The following PERM1 variants were observed in gnomAD, a reference collection of about 807,000 sequenced individuals.
PERM1 encodes the protein PGC-1 and ERR-induced regulator in muscle protein 1.
PERM1 carries 45 observed loss-of-function variants against 44.1 expected under a neutral mutation model. That is an observed-to-expected ratio of 1.02 (90% CI 0.80 to 1.31). PERM1 has a LOEUF of 1.31. Ranked by LOEUF, PERM1 falls within the 50% of genes most tolerant of loss-of-function variation. The pLI is 0.00. For missense variants in PERM1, 1,189 were observed against 1,106.9 expected (o/e 1.07, Z -1.05); for synonymous variants, 565 against 477.1 (o/e 1.18, Z -2.40).
chr1:978,409 G>A (rs1007995359), intron 1 of PERM1, among the ~76,000 whole-genome samples: 2 of 152,182 alleles, frequency 1.3e-5, no homozygotes, highest in African/African-American at 4.8e-5. Context: ...CGCCCTGGAC[G>A]CGTCTGTCGG....
chr1:980,652 T>G (rs1345680987), exon 1 of PERM1: 1 of 1,436,756 alleles, frequency 7.0e-7, no homozygotes, highest in South Asian at 1.5e-5. Context: ...CAGGGCAGGA[T>G]GAGAACTGGC....
At chr1:978,946 G>T in exon 1 of PERM1, 1 of 1,506,810 alleles carries the variant, frequency 6.6e-7, no homozygotes, top group Non-Finnish European at 8.9e-7. Context: ...CCCAGGCCCC[G>T]CCCCCTCGGA....
chr1:981,230 G>A, upstream of PERM1: 2 of 1,502,804 alleles, frequency 1.3e-6, no homozygotes, highest in East Asian at 2.5e-5. Context: ...CAAACCTAGT[G>A]GTGACGATTT....
At chr1:976,430 C>A in intron 2 of PERM1, 69 bp downstream of exon 3, 3 of 1,547,452 alleles carry the variant, frequency 1.9e-6, no homozygotes, top group Non-Finnish European at 2.6e-6. Context: ...CCCCGTGCAC[C>A]CCTCGTCCTG....
Position 980,152 on chromosome 1 carries a change from C to G in PERM1, c.878G>C (p.Arg293Thr), listed in dbSNP as rs570750775. ...AGACACAGCCATGTCTGACTTAGCC[C>G]TTGAGACATCTGGGAGGGCTTCCCA... is the stretch of plus-strand genomic sequence containing the variant. The change falls in exon 1 of 3, where the codon AGG (arginine) becomes ACG (threonine). Residue 293 changes from arginine to threonine, a missense_variant. Physicochemically the swap from Arg to Thr is moderately conservative, Grantham distance 71 (BLOSUM62 -1). This residue lies in a region of PERM1 where 900 missense variants were observed against 760.4 expected (regional missense o/e 1.18). Coordinates refer to ENST00000433179, the Ensembl canonical transcript of PERM1. The G allele has an allele frequency of 2.6e-6, 4 of 1,550,388 alleles. No individual in the cohort carries two copies. The South Asian group carries it at 3.6e-5, about 14-fold the overall frequency.
Position 979,693 on chromosome 1 carries a change from G to GAC in PERM1, c.1335_1336dup (p.Ser446CysfsTer123). ...GGCGTCGGCTCTGGGAACAGGTGTA[G>GAC]ACACAAGCCCGCTGGACTCGGTCAT... is the stretch of plus-strand genomic sequence containing the variant. On this transcript the variant is annotated frameshift_variant, in exon 1 of 3. Coordinates refer to ENST00000433179, the Ensembl canonical transcript of PERM1. LOFTEE classifies it high-confidence loss of function. The GAC allele has an allele frequency of 6.5e-7, 1 of 1,550,330 alleles. No individual in the cohort carries two copies. Among genetic ancestry groups the GAC allele is most frequent in the South Asian group, 1.2e-5 (1 of 84,058 alleles).
chr1:976,031 G>A (rs1643588559), exon 3 of PERM1: 3 of 814,734 alleles, frequency 3.7e-6, no homozygotes, highest in South Asian at 1.9e-5. Flanking sequence ...GAGTCGGAGG[G>A]AGCAGCACCA....
chr1:976,159 C>T, exon 3 of PERM1: 2 of 1,545,876 alleles, frequency 1.3e-6, no homozygotes, highest in South Asian at 1.2e-5. Context: ...TCTCCCTGGC[C>T]CGGGCCTGGC....
chr1:980,763 C>G, exon 1 of PERM1: 4 of 1,405,970 alleles, frequency 2.8e-6, no homozygotes, highest in Non-Finnish European at 3.7e-6. Context: ...CAGGCTCACC[C>G]TGAGACCTGC....
chr1:981,006 G>T lies in PERM1; in HGVS notation c.24C>A (p.Val8=). 4 of 1,523,518 alleles carry T rather than the reference G, an allele frequency of 2.6e-6. No individual in the cohort carries two copies. In the South Asian group the frequency reaches 5.0e-5, roughly 19 times the overall value. The allele number at this position is 1,523,518 out of a possible 1,614,324, so 94.4% of individuals were successfully genotyped here. A position where few individuals can be genotyped will look rare whatever the true frequency, so the allele number is the denominator to read the frequency against. The change falls in exon 1 of 3, where the codon GTC becomes GTA. Residue 8 remains valine, a synonymous_variant. Coordinates refer to ENST00000433179, the Ensembl canonical transcript of PERM1. ...CGGCCCAGTCCTGGTCACTCAGCTG[G>T]ACGCTGTACTGGAAATTTTCCATGT...
upstream of PERM1, chr1:981,281 A>C (rs1643787492): frequency 1.1e-4 from 120 of 1,129,434 alleles, no homozygotes; most frequent in Non-Finnish European, 1.5e-4. Context: ...CCTAGTTCCC[A>C]ACGCACCCCA....
chr1:976,700 C>T, intron 1 of PERM1, 76 bp from the exon 3 acceptor site: 1 of 1,519,554 alleles, frequency 6.6e-7, no homozygotes, highest in Non-Finnish European at 8.9e-7. Context: ...CGGGAACCGC[C>T]TGCCCCCACC....
exon 3 of PERM1, chr1:976,090 C>T (rs932652285): frequency 2.3e-5 from 31 of 1,374,626 alleles, no homozygotes; most frequent in Non-Finnish European, 2.7e-5. Context: ...TCAGAGGGCC[C>T]GGGCGAGGGC....
At position 976,668 on chromosome 1, in the gene PERM1, A is replaced by C. The variant is rs1643621374; in HGVS notation, c.2150-44T>G. The C allele has an allele frequency of 1.9e-6, 3 of 1,541,094 alleles. 1 individual carries two copies. The highest frequency in any genetic ancestry group is 2.4e-5 in the South Asian group (2 of 83,848). On this transcript the variant is annotated intron_variant, in intron 1 of 2. Transcript: ENST00000433179. ...TTCAGCCCCACGGCTGCACTCAGAG[A>C]TGGCCCCGCACACGCCCGCCCCGGG...
At position 978,868 on chromosome 1, in the gene PERM1, C is replaced by T. The variant is rs775387917; in HGVS notation, c.2149+13G>A. 7.9e-5 allele frequency: 115 copies of T among 1,462,062 alleles called. No individual in the cohort carries two copies. In the Admixed American group the frequency reaches 1.0e-3, roughly 13 times the overall value. 90.6% of individuals were successfully genotyped at this position (1,462,062 alleles called of 1,614,324 possible). On this transcript the variant is annotated intron_variant, in intron 1 of 2. Transcript: ENST00000433179. ...TGGGATCTGGACGGGCTGTGGGATC[C>T]GAGAGCACGTACCTGCCCGTCTAAG...
exon 1 of PERM1, chr1:979,060 G>C (rs1557658751): frequency 1.3e-6 from 2 of 1,547,432 alleles, no homozygotes; most frequent in East Asian, 4.9e-5. Context: ...ATAGACCTCA[G>C]GGATGGAGAT....
rs1557659599 is a variant in PERM1 at position 979,705 on chromosome 1, CT to C, written c.1324del (p.Ser442AlafsTer126). The C allele has an allele frequency of 1.3e-6, 2 of 1,550,266 alleles. No homozygotes were observed. Among genetic ancestry groups the C allele is most frequent in the African/African-American group, 2.7e-5 (2 of 73,164 alleles). On this transcript the variant is annotated frameshift_variant, in exon 1 of 3. Transcript: ENST00000433179. LOFTEE classifies it high-confidence loss of function. ...GGGAACAGGTGTAGACACAAGCCCGCTGGACTCGGTCATCCTCGGCACAGCC... is the reference window on the plus strand; with the variant it reads ...GGGAACAGGTGTAGACACAAGCCCGCGGACTCGGTCATCCTCGGCACAGCC...
upstream of PERM1, among the ~76,000 whole-genome samples, chr1:981,661 G>C (rs1643795216): frequency 6.6e-6 from 1 of 152,264 alleles, no homozygotes; most frequent in Admixed American, 6.5e-5. Flanking sequence ...GTGCTGGCCA[G>C]AGCTGGCCCA....
Position 980,549 on chromosome 1 carries a change from C to CA in PERM1, c.480dup (p.Gly161TrpfsTer12). 6.8e-7 allele frequency: 1 copy of CA among 1,462,540 alleles called. No individual in the cohort carries two copies. 90.6% of individuals were successfully genotyped at this position (1,462,540 alleles called of 1,614,324 possible). ...GGCCTCTGGGAGCCAGTGCTGTGGC[C>CA]AGGGGACTTGGGACTCCCAGGGGGC... On this transcript the variant is annotated frameshift_variant, in exon 1 of 3. Transcript: ENST00000433179. LOFTEE classifies it high-confidence loss of function.
Sources: gnomAD v4.1 joint callset for allele counts (sites outside exome capture counted in the v4.1 genomes callset) on GRCh38, gnomAD v4.1.1 for gene constraint, gnomAD v4.1.1 regional missense constraint, MANE v1.5 for transcripts, NCBI Gene and HGNC (gene_info 2026-07-23, HGNC 2026-07-21) for gene names.